BAZ2B: variants seen among roughly 807,000 people sequenced by gnomAD.
BAZ2B encodes bromodomain adjacent to zinc finger domain 2B, also known as bromodomain adjacent to zinc finger domain protein 2B.
A neutral mutation model predicts 246.0 loss-of-function variants in BAZ2B; 91 were observed. The ratio of observed to expected loss-of-function variants is 0.37; its 90% CI spans 0.31 to 0.44. The LOEUF is 0.44. Among genes scored for constraint, BAZ2B ranks in the 20% least tolerant of loss-of-function variants. BAZ2B has a pLI of 1.00. For missense variants in BAZ2B, 2,332 were observed against 2,533.7 expected (o/e 0.92, Z 1.71); for synonymous variants, 855 against 860.0 (o/e 0.99, Z 0.10).
intron 3 of BAZ2B, among the ~76,000 whole-genome samples, chr2:159,455,389 A>T (rs927776852): frequency 2.0e-5 from 3 of 152,156 alleles, no homozygotes; most frequent in African/African-American, 7.2e-5. Flanking sequence ...AATGACTTTT[A>T]AAAATAAGAT....
chr2:159,685,315 G>C, the BAZ2B span, among the ~76,000 whole-genome samples: 1 of 152,130 alleles, frequency 6.6e-6, no homozygotes, highest in Non-Finnish European at 1.5e-5. Context: ...CTATAAATAA[G>C]TTAACATTTG....
chr2:159,420,413 C>T (rs936982320), intron 13 of BAZ2B, among the ~76,000 whole-genome samples: 5 of 152,088 alleles, frequency 3.3e-5, no homozygotes, highest in Non-Finnish European at 4.4e-5. Flanking sequence ...TGCAACATCT[C>T]GAAGAAAAAA....
the BAZ2B span, chr2:159,689,155 A>T: frequency 2.5e-6 from 1 of 395,520 alleles, no homozygotes; most frequent in East Asian, 9.3e-5. Context: ...GCTCCATAAA[A>T]GCGCACGTAT....
At chr2:159,451,189 C>T (rs2075045140) in intron 4 of BAZ2B, among the ~76,000 whole-genome samples, 1 of 151,704 alleles carries the variant, frequency 6.6e-6, no homozygotes, top group Non-Finnish European at 1.5e-5. Context: ...AAATTAACTA[C>T]AAAAAAGTAC....
intron 20 of BAZ2B, among the ~76,000 whole-genome samples, chr2:159,394,143 C>A (rs1278167384): frequency 6.6e-5 from 10 of 150,550 alleles, no homozygotes; most frequent in East Asian, 3.9e-4. Flanking sequence ...AAAAAAAAAA[C>A]AAAACAAAAC....
intron 31 of BAZ2B, among the ~76,000 whole-genome samples, chr2:159,341,329 A>C (rs2066675125): frequency 6.6e-6 from 1 of 152,242 alleles, no homozygotes; most frequent in African/African-American, 2.4e-5. Flanking sequence ...CAACAAGAGA[A>C]TACAATAATT....
At chr2:159,412,954 G>A (rs1322106678) in intron 13 of BAZ2B, among the ~76,000 whole-genome samples, 4 of 152,160 alleles carry the variant, frequency 2.6e-5, no homozygotes, top group Non-Finnish European at 4.4e-5. Flanking sequence ...ATACATGAAA[G>A]TTTCTCTTTA....
At chr2:159,467,420 TCC>T (rs369851389) in intron 3 of BAZ2B, among the ~76,000 whole-genome samples, 1 of 151,938 alleles carries the variant, frequency 6.6e-6, no homozygotes, top group Non-Finnish European at 1.5e-5. Flanking sequence ...GACGGGCCTT[TCC>T]CCCCCAGGTT....
intron 2 of BAZ2B, among the ~76,000 whole-genome samples, chr2:159,528,665 A>G (rs10803755): frequency 0.91 from 135,407 of 148,302 alleles, 62,199 homozygotes; most frequent in Middle Eastern, 0.98. Context: ...CCTGGGTGAC[A>G]AGCGAAACTC....
In BAZ2B at chr2:159,496,572, C is replaced by T. The variant is rs1289918668; in HGVS notation, c.-2-17851G>A. 3.3e-5 allele frequency among the ~76,000 whole-genome samples: 5 copies of T among 149,294 alleles called. No individual in the cohort carries two copies. In the East Asian group the frequency reaches 6.0e-4, roughly 18 times the overall value. On this transcript the variant is annotated intron_variant, in intron 2 of 36. Coordinates refer to ENST00000392783, the MANE Select transcript of BAZ2B (RefSeq NM_013450.4). The stretch of plus-strand genomic sequence containing the variant: ...CCAAGGTGGGCGGATCACCTGAGGT[C>T]GGGAGTTCGAGACCAGCCTGACCAA...
At chr2:159,692,598 C>T in the BAZ2B span, among the ~76,000 whole-genome samples, 3 of 152,092 alleles carry the variant, frequency 2.0e-5, no homozygotes, top group African/African-American at 4.8e-5. Context: ...CGCCTGTAAT[C>T]GCAGTTACTC....
intron 1 of BAZ2B, among the ~76,000 whole-genome samples, chr2:159,614,625 T>TA (rs985450102): frequency 1.1e-4 from 16 of 147,954 alleles, no homozygotes; most frequent in African/African-American, 1.5e-4. Context: ...ACCTTTAAAT[T>TA]AAAAAAAAAA....
At chr2:159,615,704 G>A (rs1018561825) in intron 1 of BAZ2B, 2 of 152,326 alleles carry the variant, frequency 1.3e-5, no homozygotes, top group African/African-American at 4.8e-5. Flanking sequence ...ATATTCCGGG[G>A]TAGGAACGGC....
At chr2:159,470,105 G>A (rs938841929) in intron 3 of BAZ2B, among the ~76,000 whole-genome samples, 1 of 152,148 alleles carries the variant, frequency 6.6e-6, no homozygotes, top group Non-Finnish European at 1.5e-5. Context: ...AACCAAGTGG[G>A]ATTAATCCTT....
the BAZ2B span, among the ~76,000 whole-genome samples, chr2:159,704,186 A>G: frequency 6.6e-6 from 1 of 152,240 alleles, no homozygotes; most frequent in Non-Finnish European, 1.5e-5. Flanking sequence ...AAACTAGTTA[A>G]GCAGTACATA....
chr2:159,324,198 A>G (rs1056884307), intron 36 of BAZ2B, among the ~76,000 whole-genome samples: 1 of 152,216 alleles, frequency 6.6e-6, no homozygotes, highest in Non-Finnish European at 1.5e-5. Flanking sequence ...GTATCAGGAA[A>G]GCCTCCCAAA....
At chr2:159,438,914 T>A in intron 7 of BAZ2B, 95 bp downstream of exon 7, 1 of 1,350,552 alleles carries the variant, frequency 7.4e-7, no homozygotes. Flanking sequence ...AAAGTAATGA[T>A]TAACTTTAAA....
At chr2:159,459,021 C>G (rs2076114422) in intron 3 of BAZ2B, 1 of 152,092 alleles carries the variant, frequency 6.6e-6, no homozygotes, top group African/African-American at 2.4e-5. Flanking sequence ...TGAGAACCTC[C>G]AAAGCCTATA....
At chr2:159,383,138 C>T (rs182901039) in intron 24 of BAZ2B, among the ~76,000 whole-genome samples, 7 of 152,184 alleles carry the variant, frequency 4.6e-5, no homozygotes, top group African/African-American at 1.7e-4. Flanking sequence ...CAAATTACTA[C>T]AAAGAAACTA....
Sources: gnomAD v4.1 joint callset for allele counts (sites outside exome capture counted in the v4.1 genomes callset) on GRCh38, gnomAD v4.1.1 for gene constraint, MANE v1.5 for transcripts, NCBI Gene and HGNC (gene_info 2026-07-23, HGNC 2026-07-21) for gene names.